Variants in MACROD2 observed in about 807,000 individuals in gnomAD.
MACROD2 encodes the protein mono-ADP ribosylhydrolase 2.
In MACROD2, 36 loss-of-function variants were observed where a neutral mutation model predicts 70.4. The observed-to-expected ratio is 0.51, with a 90% CI of 0.39 to 0.68. The LOEUF is 0.68. Among genes scored for constraint, MACROD2 ranks in the 30% least tolerant of loss-of-function variants. The pLI, the probability that MACROD2 is intolerant of heterozygous loss-of-function variation, is 0.00. For missense variants in MACROD2, 496 were observed against 538.4 expected (o/e 0.92, Z 0.78); for synonymous variants, 172 against 178.8 (o/e 0.96, Z 0.30).
At chr20:15,508,305 T>G (rs2047454100) in intron 8 of MACROD2, among the ~76,000 whole-genome samples, 1 of 147,076 alleles carries the variant, frequency 6.8e-6, no homozygotes, top group Non-Finnish European at 1.5e-5. Context: ...TGGGGGTGAG[T>G]GGTTTGGGGG....
chr20:15,019,686 A>G (rs1600955613), intron 5 of MACROD2, among the ~76,000 whole-genome samples: 1 of 152,156 alleles, frequency 6.6e-6, no homozygotes, highest in African/African-American at 2.4e-5. Context: ...AGGGCATATT[A>G]CTAATAAAAG....
chr20:15,034,417 G>A (rs529174187), intron 5 of MACROD2, among the ~76,000 whole-genome samples: 1 of 152,148 alleles, frequency 6.6e-6, no homozygotes, highest in East Asian at 1.9e-4. Context: ...TCATTTTCTG[G>A]AACACTTTAG....
chr20:14,964,992 G>A (rs910263215), intron 5 of MACROD2, among the ~76,000 whole-genome samples: 1 of 152,220 alleles, frequency 6.6e-6, no homozygotes. Flanking sequence ...TATGGAATTA[G>A]AAATAATAGT....
chr20:14,049,190 C>CAAAAAAA (rs1182272964), intron 2 of MACROD2, among the ~76,000 whole-genome samples: 1 of 134,838 alleles, frequency 7.4e-6, no homozygotes, highest in Non-Finnish European at 1.6e-5. Context: ...AAAAAAAAAA[C>CAAAAAAA]AAAAAAACAA....
intron 6 of MACROD2, among the ~76,000 whole-genome samples, chr20:15,353,575 A>T (rs559828878): frequency 2.0e-5 from 3 of 152,182 alleles, no homozygotes; most frequent in African/African-American, 7.2e-5. Flanking sequence ...CAACCTACAA[A>T]ATGGGAGAAA....
At chr20:15,415,489 C>T (rs1049896068) in intron 6 of MACROD2, among the ~76,000 whole-genome samples, 2 of 152,304 alleles carry the variant, frequency 1.3e-5, no homozygotes, top group East Asian at 1.9e-4. Flanking sequence ...AAGTGATGGG[C>T]AGAAATCCTT....
At chr20:14,032,997 ACTGT>A (rs1004794966) in intron 2 of MACROD2, among the ~76,000 whole-genome samples, 7 of 151,822 alleles carry the variant, frequency 4.6e-5, no homozygotes, top group African/African-American at 1.7e-4. Flanking sequence ...GTTTTAAAAA[ACTGT>A]CTTTTTACTA....
In MACROD2 at chr20:15,803,204, T is replaced by C. The variant is rs182788572; in HGVS notation, c.646-59541T>C. On this transcript the variant is annotated intron_variant, in intron 8 of 17. Coordinates refer to ENST00000684519, the MANE Select transcript of MACROD2 (RefSeq NM_001351661.2). Reference sequence around the variant, plus strand: ...ATACCAAAACCAGGCAAGGACACAATAAACAAAGAAAAATACAGGCCAATA... The same window carrying C: ...ATACCAAAACCAGGCAAGGACACAACAAACAAAGAAAAATACAGGCCAATA... 2.6e-3 allele frequency among the ~76,000 whole-genome samples: 400 copies of C among 151,880 alleles called. 1 individual carries two copies. Among genetic ancestry groups the C allele is most frequent in the Admixed American group, 5.9e-3 (90 of 15,246 alleles).
At chr20:15,380,885 A>G (rs1362995466) in intron 6 of MACROD2, among the ~76,000 whole-genome samples, 1 of 152,232 alleles carries the variant, frequency 6.6e-6, no homozygotes, top group Non-Finnish European at 1.5e-5. Context: ...GCTAGCTAAT[A>G]TAATAAAAAC....
chr20:15,001,303 G>T (rs563916273), intron 5 of MACROD2, among the ~76,000 whole-genome samples: 2 of 152,108 alleles, frequency 1.3e-5, no homozygotes, highest in Admixed American at 1.3e-4. Context: ...AATTACGCAG[G>T]GACTGAGTAT....
At chr20:15,855,894 A>G (rs2064351508) in intron 8 of MACROD2, among the ~76,000 whole-genome samples, 1 of 152,194 alleles carries the variant, frequency 6.6e-6, no homozygotes, top group Non-Finnish European at 1.5e-5. Flanking sequence ...ATATTCCATT[A>G]TATGAGTACA....
At chr20:15,973,868 A>G (rs2066266989) in intron 13 of MACROD2, among the ~76,000 whole-genome samples, 1 of 152,230 alleles carries the variant, frequency 6.6e-6, no homozygotes, top group African/African-American at 2.4e-5. Flanking sequence ...ATTGATAACA[A>G]TTTAAATTCC....
chr20:15,289,501 A>G (rs1405890770), intron 6 of MACROD2, among the ~76,000 whole-genome samples: 3 of 152,238 alleles, frequency 2.0e-5, no homozygotes, highest in Admixed American at 6.5e-5. Flanking sequence ...GATTTCCTCT[A>G]TGAGAACCGG....
At chr20:16,048,017 A>T (rs954475659) in intron 17 of MACROD2, among the ~76,000 whole-genome samples, 1 of 152,354 alleles carries the variant, frequency 6.6e-6, no homozygotes, top group African/African-American at 2.4e-5. Flanking sequence ...AGTTTGAAAC[A>T]TAATTTTATG....
chr20:14,696,077 G>A (rs953991983), intron 5 of MACROD2, among the ~76,000 whole-genome samples: 1 of 152,072 alleles, frequency 6.6e-6, no homozygotes. Context: ...CACATGGTGG[G>A]TAATGTTACA....
rs189034392 is a variant in MACROD2, at chr20:15,787,191, C to T, written c.646-75554C>T. ...TTCACCATGCTGGCCAAGCTGGTCT[C>T]GAACTCCTGGCCTCAAGTGATCTGC... On this transcript the variant is annotated intron_variant, in intron 8 of 17. Coordinates refer to ENST00000684519, the MANE Select transcript of MACROD2 (RefSeq NM_001351661.2). 2.2e-3 allele frequency among the ~76,000 whole-genome samples: 335 copies of T among 152,252 alleles called. 2 individuals are homozygous for T. The highest frequency in any genetic ancestry group is 7.7e-3 in the African/African-American group (318 of 41,554).
chr20:14,480,203 C>T (rs772876966), intron 3 of MACROD2, among the ~76,000 whole-genome samples: 98 of 152,290 alleles, frequency 6.4e-4, no homozygotes, highest in Non-Finnish European at 1.1e-3. Context: ...GACTATTTTA[C>T]TTACCTGTTT....
At chr20:15,429,176 G>C (rs1209248872) in intron 6 of MACROD2, among the ~76,000 whole-genome samples, 2 of 152,156 alleles carry the variant, frequency 1.3e-5, no homozygotes, top group Non-Finnish European at 2.9e-5. Flanking sequence ...CCTATTGATA[G>C]TGTTGGTGAA....
intron 5 of MACROD2, among the ~76,000 whole-genome samples, chr20:14,755,699 G>A (rs1232270465): frequency 6.6e-6 from 1 of 151,908 alleles, no homozygotes; most frequent in East Asian, 1.9e-4. Flanking sequence ...GAGAACTGAA[G>A]TGTTTATTAT....
Sources: gnomAD v4.1 joint callset for allele counts (sites outside exome capture counted in the v4.1 genomes callset) on GRCh38, gnomAD v4.1.1 for gene constraint, MANE v1.5 for transcripts, NCBI Gene and HGNC (gene_info 2026-07-23, HGNC 2026-07-21) for gene names.